RAB5A: variants seen among roughly 807,000 people sequenced by gnomAD.
RAB5A encodes RAB5A, member RAS oncogene family, also known as ras-related protein Rab-5A.
In RAB5A, 8 loss-of-function variants were observed where a neutral mutation model predicts 25.7. The ratio of observed to expected loss-of-function variants is 0.31; its 90% CI spans 0.18 to 0.56. RAB5A has a LOEUF of 0.56. Ranked by LOEUF, RAB5A falls within the 20% of genes least tolerant of loss-of-function variation. The probability of loss-of-function intolerance (pLI) is 0.91; values close to 1 mark genes in which losing one functional copy is unlikely to be tolerated. For missense variants in RAB5A, 192 were observed against 259.7 expected (o/e 0.74, Z 1.79); for synonymous variants, 98 against 89.8 (o/e 1.09, Z -0.52).
intron 2 of RAB5A, among the ~76,000 whole-genome samples, chr3:19,967,707 T>A (rs1039486926): frequency 2.6e-5 from 4 of 152,206 alleles, no homozygotes; most frequent in African/African-American, 9.6e-5. Flanking sequence ...ACAGTGTGTA[T>A]GCTTTACTGT....
intron 2 of RAB5A, among the ~76,000 whole-genome samples, chr3:19,956,991 G>T (rs1696513772): frequency 6.7e-6 from 1 of 148,872 alleles, no homozygotes; most frequent in Admixed American, 6.8e-5. Flanking sequence ...GCCCAGGCTG[G>T]TGTACAGTGG....
At chr3:19,983,582 A>G in intron 5 of RAB5A, 126 bp from the exon 6 acceptor site, 1 of 678,504 alleles carries the variant, frequency 1.5e-6, no homozygotes, top group South Asian at 1.8e-5. Context: ...TTTGAAAAGA[A>G]TGAACATATG....
chr3:19,965,248 A>G (rs1696644125), intron 2 of RAB5A, among the ~76,000 whole-genome samples: 1 of 152,018 alleles, frequency 6.6e-6, no homozygotes, highest in Non-Finnish European at 1.5e-5. Context: ...AACAATGTGC[A>G]TCAGTATGTT....
intron 2 of RAB5A, among the ~76,000 whole-genome samples, chr3:19,954,289 AT>A (rs1361212302): frequency 1.3e-5 from 2 of 152,212 alleles, no homozygotes; most frequent in African/African-American, 4.8e-5. Context: ...TGCTGGAATT[AT>A]AGGCGTGAAC....
intron 2 of RAB5A, among the ~76,000 whole-genome samples, chr3:19,954,482 G>A (rs1696470194): frequency 3.9e-5 from 6 of 152,146 alleles, no homozygotes; most frequent in Admixed American, 3.9e-4. Context: ...GATTTCTTCT[G>A]TAATTTGTGT....
chr3:19,976,020 C>A, intron 3 of RAB5A, 27 bp from the exon 4 acceptor site: 1 of 1,600,468 alleles, frequency 6.2e-7, no homozygotes, highest in Non-Finnish European at 8.5e-7. Flanking sequence ...TGAGCCTGTG[C>A]TCAATGGCTG....
intron 2 of RAB5A, among the ~76,000 whole-genome samples, chr3:19,951,701 GTTTTT>G (rs61250458): frequency 2.0e-5 from 2 of 99,014 alleles, no homozygotes; most frequent in Non-Finnish European, 4.0e-5. Context: ...TGCCAGGCAA[GTTTTT>G]TTTTTTTTTT....
At chr3:19,952,350 A>G (rs1696436273) in intron 2 of RAB5A, among the ~76,000 whole-genome samples, 1 of 152,242 alleles carries the variant, frequency 6.6e-6, no homozygotes, top group African/African-American at 2.4e-5. Flanking sequence ...TATATAATTA[A>G]GCAATGCTGT....
At chr3:19,958,153 G>A (rs532177840) in intron 2 of RAB5A, among the ~76,000 whole-genome samples, 3 of 152,286 alleles carry the variant, frequency 2.0e-5, no homozygotes, top group South Asian at 4.1e-4. Flanking sequence ...TTTTTGATTC[G>A]TGAGAAAAAT....
intron 2 of RAB5A, among the ~76,000 whole-genome samples, chr3:19,956,705 A>G (rs1575068332): frequency 6.6e-6 from 1 of 152,240 alleles, no homozygotes; most frequent in Admixed American, 6.5e-5. Flanking sequence ...TGTGGTTAAG[A>G]GAGACTGTAT....
Position 19,984,465 on chromosome 3 carries a change from A to G in RAB5A, c.*642A>G, listed in dbSNP as rs1696994519. 4.4e-6 allele frequency: 1 copy of G among 229,020 alleles called. No homozygotes were observed. Among genetic ancestry groups the G allele is most frequent in the African/African-American group, 2.4e-5 (1 of 41,768 alleles). The allele number at this position is 229,020 out of a possible 1,614,324, so 14.2% of individuals were successfully genotyped here. On this transcript the variant is annotated 3_prime_UTR_variant, in exon 6 of 6. Transcript: ENST00000273047. ...ATCAAATGCAACCCCATCTTGTTTT[A>G]GGAATTTTGAGAACTAATAAATGCA...
intron 2 of RAB5A, among the ~76,000 whole-genome samples, chr3:19,974,842 G>C (rs945185275): frequency 2.6e-5 from 4 of 152,204 alleles, no homozygotes; most frequent in African/African-American, 9.6e-5. Flanking sequence ...GGTGTCAGCA[G>C]TATAGATGGT....
At chr3:19,977,617 T>C (rs1308054362) in intron 4 of RAB5A, among the ~76,000 whole-genome samples, 1 of 152,210 alleles carries the variant, frequency 6.6e-6, no homozygotes, top group Non-Finnish European at 1.5e-5. Context: ...AATTGTTGCC[T>C]TCCCAGCACA....
intron 2 of RAB5A, among the ~76,000 whole-genome samples, chr3:19,957,938 A>T (rs553288898): frequency 6.6e-6 from 1 of 152,300 alleles, no homozygotes; most frequent in East Asian, 1.9e-4. Flanking sequence ...TAGCCAGAAA[A>T]TTTAAATCCA....
chr3:19,959,792 A>G (rs1696559694), intron 2 of RAB5A, among the ~76,000 whole-genome samples: 1 of 151,802 alleles, frequency 6.6e-6, no homozygotes, highest in Non-Finnish European at 1.5e-5. Flanking sequence ...ATGCCTGGCT[A>G]ATTTTGAAAT....
intron 2 of RAB5A, among the ~76,000 whole-genome samples, chr3:19,965,931 T>G (rs1696655491): frequency 6.6e-6 from 1 of 152,092 alleles, no homozygotes; most frequent in Non-Finnish European, 1.5e-5. Context: ...TTTCTCCATG[T>G]TGCCCGGGCT....
intron 2 of RAB5A, among the ~76,000 whole-genome samples, chr3:19,955,165 C>T (rs77173179): frequency 1.3e-5 from 2 of 152,150 alleles, no homozygotes; most frequent in East Asian, 3.8e-4. Flanking sequence ...TTAGAATATG[C>T]AGTGAAATAG....
chr3:19,961,983 T>G (rs183621646), intron 2 of RAB5A, among the ~76,000 whole-genome samples: 6 of 152,340 alleles, frequency 3.9e-5, no homozygotes, highest in Admixed American at 1.3e-4. Flanking sequence ...GTGGGCTTAG[T>G]AGGTGGTTCT....
At chr3:19,951,227 A>G (rs966324595) in intron 2 of RAB5A, 166 bp downstream of exon 2, 4 of 666,496 alleles carry the variant, frequency 6.0e-6, no homozygotes, top group Non-Finnish European at 9.4e-6. Flanking sequence ...CTTTGTTAAA[A>G]TGATGTGTTT....
Sources: gnomAD v4.1 joint callset for allele counts (sites outside exome capture counted in the v4.1 genomes callset) on GRCh38, gnomAD v4.1.1 for gene constraint, MANE v1.5 for transcripts, NCBI Gene and HGNC (gene_info 2026-07-23, HGNC 2026-07-21) for gene names.